The following FYCO1 variants were observed in gnomAD, a reference collection of about 807,000 sequenced individuals.
FYCO1 encodes the protein FYVE and coiled-coil domain autophagy adaptor 1, also known as FYVE and coiled-coil domain-containing protein 1.
FYCO1 carries 122 observed loss-of-function variants against 165.1 expected under a neutral mutation model. That is an observed-to-expected ratio of 0.74 (90% CI 0.64 to 0.86). The LOEUF is 0.86. Among genes scored for constraint, FYCO1 ranks in the 40% least tolerant of loss-of-function variants. The pLI, the probability that FYCO1 is intolerant of heterozygous loss-of-function variation, is 0.00. For missense variants in FYCO1, 1,702 were observed against 1,810.3 expected (o/e 0.94, Z 1.09); for synonymous variants, 648 against 742.5 (o/e 0.87, Z 2.07).
chr3:45,970,422 T>C (rs755437596), intron 6 of FYCO1, among the ~76,000 whole-genome samples: 1 of 152,234 alleles, frequency 6.6e-6, no homozygotes, highest in African/African-American at 2.4e-5. Flanking sequence ...GTATCTTCCC[T>C]GAAGACAGTC....
chr3:45,955,414 A>C (rs751595597), intron 13 of FYCO1, 21 bp from the exon 14 acceptor site: 18 of 1,613,940 alleles, frequency 1.1e-5, no homozygotes, highest in East Asian at 1.1e-4. Flanking sequence ...GAGGCAGATC[A>C]GGAGAGAAGA....
intron 14 of FYCO1, among the ~76,000 whole-genome samples, chr3:45,940,677 C>T (rs1213127986): frequency 1.3e-5 from 2 of 152,222 alleles, no homozygotes; most frequent in Admixed American, 6.5e-5. Flanking sequence ...TCCAAGTATA[C>T]TTTACTTCCA....
chr3:45,933,750 T>C (rs1219218108), intron 15 of FYCO1, among the ~76,000 whole-genome samples: 1 of 152,032 alleles, frequency 6.6e-6, no homozygotes, highest in Non-Finnish European at 1.5e-5. Flanking sequence ...CTCGTTATCC[T>C]AAGAGCCAGG....
intron 16 of FYCO1, among the ~76,000 whole-genome samples, chr3:45,925,447 C>T (rs58491168): frequency 0.09 from 13,746 of 152,222 alleles, 2,151 homozygotes; most frequent in African/African-American, 0.32. Context: ...TAAAATGTAG[C>T]TTCTTTTTCA....
intron 15 of FYCO1, among the ~76,000 whole-genome samples, chr3:45,932,559 C>G (rs964932069): frequency 6.6e-6 from 1 of 152,330 alleles, no homozygotes; most frequent in East Asian, 1.9e-4. Context: ...GTATTACTAT[C>G]CCCTTTAACA....
rs529249476 is a variant in FYCO1 at position 45,967,854 on chromosome 3, T to C, written c.1480A>G (p.Lys494Glu). The change falls in exon 8 of 18, where the codon AAA becomes GAA. Residue 494 changes from lysine to glutamate, a missense_variant. Lys to Glu is a moderately conservative substitution (Grantham distance 56). Coordinates refer to ENST00000296137, the MANE Select transcript of FYCO1 (RefSeq NM_024513.4). ...EEELAELRRE[K>E]KQQQEEKELL... ...TCCTTCTCCTCCTGTTGCTGTTTTTTCTCCCGCCTCAACTCTGCTAGCTCC... is the reference window on the plus strand; with the variant it reads ...TCCTTCTCCTCCTGTTGCTGTTTTTCCTCCCGCCTCAACTCTGCTAGCTCC... 37 of 1,613,980 alleles carry C rather than the reference T, an allele frequency of 2.3e-5. 2 individuals are homozygous for C. The African/African-American group carries it at 2.8e-4, about 12-fold the overall frequency.
chr3:45,955,009 A>G lies in FYCO1; in HGVS notation c.3944+240T>C, dbSNP rs4388012. 0.094 allele frequency among the ~76,000 whole-genome samples: 14,276 copies of G among 152,240 alleles called. 1,042 individuals carry two copies. The highest frequency in any genetic ancestry group is 0.35 in the South Asian group (1,686 of 4,816). On this transcript the variant is annotated intron_variant, in intron 14 of 17. Coordinates refer to ENST00000296137, the MANE Select transcript of FYCO1 (RefSeq NM_024513.4). ...TATAGTCGCTCAAGCCAAGAAAGAC[A>G]GGCCTTAATAGTGATGCTGAAACCT...
chr3:45,949,847 C>T (rs922900474), intron 14 of FYCO1, among the ~76,000 whole-genome samples: 1 of 152,240 alleles, frequency 6.6e-6, no homozygotes, highest in Non-Finnish European at 1.5e-5. Flanking sequence ...TCTTTGCCTT[C>T]CCTGCCTCCT....
chr3:45,929,183 G>A (rs1475553934), intron 16 of FYCO1, among the ~76,000 whole-genome samples: 1 of 152,246 alleles, frequency 6.6e-6, no homozygotes, highest in East Asian at 1.9e-4. Context: ...TGGTGACAGT[G>A]GCCTGTGAAG....
At chr3:45,936,623 G>T in intron 14 of FYCO1, 80 bp from the exon 15 acceptor site, 1 of 985,254 alleles carries the variant, frequency 1.0e-6, no homozygotes, top group Non-Finnish European at 1.6e-6. Context: ...CAGTCTTGGA[G>T]TCACAGGCAG....
Position 45,930,940 on chromosome 3 carries a change from ACTGCCCAGAACATTCCAAGTGAGGC to A in FYCO1, c.4251+106_4251+130del. 5 of 848,608 alleles carry A rather than the reference ACTGCCCAGAACATTCCAAGTGAGGC, an allele frequency of 5.9e-6. No individual in the cohort carries two copies. The African/African-American group carries it at 8.4e-5, about 14-fold the overall frequency. The allele number at this position is 848,608 out of a possible 1,614,324, so 52.6% of individuals were successfully genotyped here. The stretch of plus-strand genomic sequence containing the variant: ...AGGTGCTCTGCCTTCTCTGCATGAT[ACTGCCCAGAACATTCCAAGTGAGGC>A]CTGCCCAGCAGAGGATAGGATGGCC... On this transcript the variant is annotated intron_variant, in intron 16 of 17. Coordinates refer to ENST00000296137, the MANE Select transcript of FYCO1 (RefSeq NM_024513.4).
At chr3:45,928,517 G>A in intron 16 of FYCO1, among the ~76,000 whole-genome samples, 1 of 152,212 alleles carries the variant, frequency 6.6e-6, no homozygotes, top group East Asian at 1.9e-4. Context: ...TGACTATAAT[G>A]GAGGAAGTGG....
chr3:45,946,564 A>G, intron 14 of FYCO1: 2 of 1,614,244 alleles, frequency 1.2e-6, no homozygotes, highest in Non-Finnish European at 1.7e-6. Flanking sequence ...GACTTCCTGC[A>G]GTTCAGCAAG....
At chr3:45,938,051 AC>A in intron 14 of FYCO1, 1 of 403,758 alleles carries the variant, frequency 2.5e-6, no homozygotes, top group Admixed American at 3.1e-5. Flanking sequence ...AAGAAATAAC[AC>A]AGAATGAGAG....
chr3:45,984,733 G>A (rs775654442), intron 2 of FYCO1, 123 bp downstream of exon 2: 2 of 948,852 alleles, frequency 2.1e-6, no homozygotes, highest in Non-Finnish European at 3.5e-6. Flanking sequence ...GATGTGACCT[G>A]AGGACTCCAA....
intron 17 of FYCO1, 150 bp downstream of exon 17, chr3:45,923,506 C>T (rs1703182906): frequency 2.9e-6 from 2 of 694,972 alleles, no homozygotes; most frequent in Non-Finnish European, 5.3e-6. Flanking sequence ...CTAAAGAACA[C>T]TGGAACACCA....
intron 1 of FYCO1, among the ~76,000 whole-genome samples, chr3:45,989,113 C>T (rs1707451112): frequency 6.6e-6 from 1 of 152,118 alleles, no homozygotes; most frequent in African/African-American, 2.4e-5. Flanking sequence ...GGAAGTCAAC[C>T]TTTCTCCACC....
chr3:45,943,223 A>G (rs902771956), intron 14 of FYCO1, among the ~76,000 whole-genome samples: 2 of 152,220 alleles, frequency 1.3e-5, no homozygotes, highest in African/African-American at 2.4e-5. Context: ...GCCAGAGCCA[A>G]ACCTCCTTAT....
chr3:45,954,047 C>T (rs1705177046), intron 14 of FYCO1, among the ~76,000 whole-genome samples: 1 of 152,190 alleles, frequency 6.6e-6, no homozygotes, highest in Non-Finnish European at 1.5e-5. Flanking sequence ...CCAAGACAGC[C>T]CCTACTCACT....
Sources: allele counts gnomAD v4.1 joint callset (sites outside exome capture counted in the v4.1 genomes callset), GRCh38; gene constraint gnomAD v4.1.1; transcripts MANE v1.5; gene names NCBI Gene and HGNC (gene_info 2026-07-23, HGNC 2026-07-21).